Variants in NCAM1 observed in about 807,000 individuals in gnomAD.
The protein encoded by NCAM1 is antigen recognized by monoclonal antibody 5.1H11.
In NCAM1, 14 loss-of-function variants were observed where a neutral mutation model predicts 109.8. The ratio of observed to expected loss-of-function variants is 0.13; its 90% CI spans 0.08 to 0.20. NCAM1 has a LOEUF of 0.20. Ranked by LOEUF, NCAM1 falls within the 10% of genes least tolerant of loss-of-function variation. The pLI is 1.00. For missense variants in NCAM1, 774 were observed against 1,109.9 expected (o/e 0.70, Z 4.30); for synonymous variants, 418 against 442.9 (o/e 0.94, Z 0.70).
intron 1 of NCAM1, among the ~76,000 whole-genome samples, chr11:113,100,859 A>G (rs1939845552): frequency 1.3e-5 from 2 of 151,974 alleles, no homozygotes; most frequent in South Asian, 4.2e-4. Flanking sequence ...TTGCGAAGGA[A>G]CTGCCCTCTT....
chr11:113,192,105 A>G (rs1943695475), intron 1 of NCAM1, among the ~76,000 whole-genome samples: 1 of 152,256 alleles, frequency 6.6e-6, no homozygotes, highest in Non-Finnish European at 1.5e-5. Context: ...GAGAGAGGGA[A>G]ATGCTTCGCC....
intron 1 of NCAM1, among the ~76,000 whole-genome samples, chr11:113,185,630 G>A (rs545727957): frequency 2.0e-5 from 3 of 152,196 alleles, no homozygotes; most frequent in African/African-American, 7.2e-5. Flanking sequence ...TTTCTGCAGC[G>A]CTATGTCACA....
intron 1 of NCAM1, among the ~76,000 whole-genome samples, chr11:113,040,386 G>T (rs1057157183): frequency 2.0e-5 from 3 of 152,086 alleles, no homozygotes; most frequent in Non-Finnish European, 4.4e-5. Flanking sequence ...AGGAACAATT[G>T]TATCATTACC....
chr11:113,200,190 AG>A (rs1487554917), intron 1 of NCAM1, among the ~76,000 whole-genome samples: 1 of 152,226 alleles, frequency 6.6e-6, no homozygotes, highest in Non-Finnish European at 1.5e-5. Flanking sequence ...TCATTCTTTA[AG>A]GAATGCTCCA....
intron 1 of NCAM1, among the ~76,000 whole-genome samples, chr11:113,144,525 G>A (rs1220708793): frequency 6.6e-6 from 1 of 151,998 alleles, no homozygotes; most frequent in East Asian, 1.9e-4. Flanking sequence ...TTAAAAAATG[G>A]AATAACCACT....
intron 2 of NCAM1, 102 bp from the exon 3 acceptor site, chr11:113,204,184 T>C: frequency 2.1e-6 from 2 of 932,362 alleles, no homozygotes; most frequent in Non-Finnish European, 1.6e-6. Flanking sequence ...CCTTGACTGA[T>C]CTGTTGTTCA....
intron 8 of NCAM1, among the ~76,000 whole-genome samples, chr11:113,220,151 C>A (rs1396679825): frequency 6.6e-6 from 1 of 152,124 alleles, no homozygotes; most frequent in Non-Finnish European, 1.5e-5. Flanking sequence ...GTATGAAAAA[C>A]AGATAAACTG....
At chr11:113,153,188 A>G (rs1330638232) in intron 1 of NCAM1, among the ~76,000 whole-genome samples, 1 of 151,772 alleles carries the variant, frequency 6.6e-6, no homozygotes, top group African/African-American at 2.4e-5. Context: ...CACTACAGGC[A>G]CCCGCCACCA....
chr11:113,179,426 G>C (rs908302288), intron 1 of NCAM1, among the ~76,000 whole-genome samples: 3 of 152,190 alleles, frequency 2.0e-5, no homozygotes, highest in Non-Finnish European at 4.4e-5. Flanking sequence ...TAAGCAATTT[G>C]GTGTCTGTTG....
intron 1 of NCAM1, among the ~76,000 whole-genome samples, chr11:113,033,694 T>C (rs906266036): frequency 2.0e-5 from 3 of 152,194 alleles, no homozygotes; most frequent in African/African-American, 7.2e-5. Flanking sequence ...TCCTTACTCT[T>C]ATAAAAAGCA....
chr11:113,082,925 G>C (rs1238124744), intron 1 of NCAM1, among the ~76,000 whole-genome samples: 1 of 152,156 alleles, frequency 6.6e-6, no homozygotes. Context: ...GCAGTTTGCT[G>C]CTTGATTTTT....
chr11:113,235,340 C>T lies in NCAM1; in HGVS notation c.1825+176C>T, dbSNP rs532964602. 4.6e-6 allele frequency: 6 copies of T among 1,311,870 alleles called. No individual in the cohort carries two copies. The African/African-American group carries it at 8.7e-5, about 19-fold the overall frequency. 81.3% of individuals were successfully genotyped at this position (1,311,870 alleles called of 1,614,324 possible). ...CTGGTTCTCAGTGACAGCTAACACACAGTCCCTTCATTCTCTCTTTCTCCA... is the reference window on the plus strand; with the variant it reads ...CTGGTTCTCAGTGACAGCTAACACATAGTCCCTTCATTCTCTCTTTCTCCA... On this transcript the variant is annotated intron_variant, in intron 14 of 19. Transcript: ENST00000316851.
intron 1 of NCAM1, among the ~76,000 whole-genome samples, chr11:113,112,417 A>T (rs4539361): frequency 0.49 from 74,918 of 151,954 alleles, 19,286 homozygotes; most frequent in Middle Eastern, 0.55. Context: ...ATTTGAATAG[A>T]CATATTACCT....
intron 18 of NCAM1, among the ~76,000 whole-genome samples, chr11:113,271,124 C>A (rs1417073420): frequency 6.6e-6 from 1 of 151,992 alleles, no homozygotes; most frequent in Non-Finnish European, 1.5e-5. Flanking sequence ...AATCCCAGCA[C>A]TTTGGGAGGC....
chr11:113,064,675 T>C (rs1311607190), intron 1 of NCAM1, among the ~76,000 whole-genome samples: 1 of 152,222 alleles, frequency 6.6e-6, no homozygotes, highest in Non-Finnish European at 1.5e-5. Flanking sequence ...TAATGCCAGA[T>C]ATATTTTAAC....
At chr11:113,260,612 C>G (rs1555123169) in intron 17 of NCAM1, among the ~76,000 whole-genome samples, 1 of 152,140 alleles carries the variant, frequency 6.6e-6, no homozygotes, top group Admixed American at 6.5e-5. Flanking sequence ...GGGAAATGCC[C>G]CAGCTCCAGC....
chr11:113,235,510 C>T (rs1337618506), intron 14 of NCAM1, among the ~76,000 whole-genome samples: 1 of 152,202 alleles, frequency 6.6e-6, no homozygotes, highest in African/African-American at 2.4e-5. Flanking sequence ...TTTCGACAGG[C>T]CACAGAAGCC....
intron 1 of NCAM1, among the ~76,000 whole-genome samples, chr11:113,050,126 G>C (rs1211689667): frequency 1.6e-5 from 2 of 125,666 alleles, no homozygotes; most frequent in Non-Finnish European, 3.3e-5. Flanking sequence ...GGGGTGGGGG[G>C]CAGAAACAGA....
At chr11:113,058,936 T>A (rs1555083049) in intron 1 of NCAM1, among the ~76,000 whole-genome samples, 3 of 152,232 alleles carry the variant, frequency 2.0e-5, no homozygotes, top group African/African-American at 7.2e-5. Context: ...AACTGAAATC[T>A]TTTATATCTG....
Sources: allele counts gnomAD v4.1 joint callset (sites outside exome capture counted in the v4.1 genomes callset), GRCh38; gene constraint gnomAD v4.1.1; transcripts MANE v1.5; gene names NCBI Gene and HGNC (gene_info 2026-07-23, HGNC 2026-07-21).